NXN: variants seen among roughly 807,000 people sequenced by gnomAD.
NXN encodes the protein nucleoredoxin 1.
Under a neutral mutation model 48.6 loss-of-function variants are expected in NXN, and 16 were observed. The observed-to-expected ratio is 0.33, with a 90% CI of 0.22 to 0.50. The LOEUF (loss-of-function observed/expected upper bound fraction) is 0.50, where lower values mean the gene tolerates loss of function less well. NXN is among the 20% of genes least tolerant of loss of function. The probability of loss-of-function intolerance (pLI) is 0.98; values close to 1 mark genes in which losing one functional copy is unlikely to be tolerated. For synonymous variants in NXN, 281 were observed against 269.6 expected, an observed-to-expected ratio of 1.04 and a Z score of -0.41; for missense variants, 492 against 605.5, an observed-to-expected ratio of 0.81 and a Z score of 1.97.
At chr17:873,944 T>C (rs2068187036) in intron 1 of NXN, among the ~76,000 whole-genome samples, 1 of 152,124 alleles carries the variant, frequency 6.6e-6, no homozygotes, top group African/African-American at 2.4e-5. Context: ...AGAATCATGG[T>C]CTTTTTCCAG....
At chr17:912,434 G>A (rs903529219) in intron 1 of NXN, among the ~76,000 whole-genome samples, 1 of 152,100 alleles carries the variant, frequency 6.6e-6, no homozygotes, top group Non-Finnish European at 1.5e-5. Flanking sequence ...CACCGCATCA[G>A]ATTACGCTCC....
At chr17:836,436 T>C (rs1913830284) in intron 1 of NXN, among the ~76,000 whole-genome samples, 1 of 152,188 alleles carries the variant, frequency 6.6e-6, no homozygotes, top group Admixed American at 6.5e-5. Flanking sequence ...AAAACCATCC[T>C]TTCTGTGAGC....
At chr17:900,147 C>T (rs1247123185) in intron 1 of NXN, among the ~76,000 whole-genome samples, 2 of 152,024 alleles carry the variant, frequency 1.3e-5, no homozygotes, top group East Asian at 3.9e-4. Flanking sequence ...TGCCTGAAAT[C>T]CCAGCTACTT....
rs58535607 is a variant in NXN, at chr17:963,214, G to GACACACACACACACACACACAC, written c.360+16083_360+16104dup. Among the ~76,000 whole-genome samples the GACACACACACACACACACACAC allele has an allele frequency of 4.1e-4, 58 of 142,926 alleles. 1 individual carries two copies. The highest frequency in any genetic ancestry group is 7.3e-3 in the Middle Eastern group (2 of 274). 93.8% of individuals were successfully genotyped at this position (142,926 alleles called of 152,430 possible). A position where few individuals can be genotyped will look rare whatever the true frequency, so the allele number is the denominator to read the frequency against. On this transcript the variant is annotated intron_variant, in intron 1 of 7. Coordinates refer to ENST00000336868, the MANE Select transcript of NXN (RefSeq NM_022463.5). ...AAAAAAAGGTATAGGTACTGGGACG[G>GACACACACACACACACACACAC]ACACACACACACACACACACACACA...
chr17:903,213 G>GTTTTTTT (rs1418416912), intron 1 of NXN, among the ~76,000 whole-genome samples: 1 of 151,576 alleles, frequency 6.6e-6, no homozygotes, highest in Non-Finnish European at 1.5e-5. Context: ...TTGTTTTTTT[G>GTTTTTTT]TTTTTGTTTT....
intron 1 of NXN, among the ~76,000 whole-genome samples, chr17:843,009 AAAG>A (rs1914440155): frequency 1.2e-5 from 1 of 81,090 alleles, no homozygotes; most frequent in African/African-American, 4.7e-5. Context: ...AGAAAGAGAG[AAAG>A]AAAGAAAGAA....
At chr17:843,254 A>C (rs1914482516) in intron 1 of NXN, among the ~76,000 whole-genome samples, 1 of 152,238 alleles carries the variant, frequency 6.6e-6, no homozygotes. Flanking sequence ...GTTCCCCGAC[A>C]CAGGGAACGC....
intron 1 of NXN, among the ~76,000 whole-genome samples, chr17:966,727 A>C (rs950018954): frequency 6.8e-6 from 1 of 147,168 alleles, no homozygotes; most frequent in Non-Finnish European, 1.5e-5. Flanking sequence ...TGGGCAACAA[A>C]GGAGGTAGGG....
chr17:868,640 C>T (rs1464370426), intron 1 of NXN, among the ~76,000 whole-genome samples: 2 of 152,146 alleles, frequency 1.3e-5, no homozygotes. Flanking sequence ...AACAGGCGCC[C>T]ACCACCACGC....
chr17:805,020 T>TCCCCCCCCCCCCCCCCCCCACC, intron 6 of NXN, 48 bp downstream of exon 6: 2 of 1,512,882 alleles, frequency 1.3e-6, no homozygotes, highest in Non-Finnish European at 1.8e-6. Flanking sequence ...GCCCCTCCTG[T>TCCCCCCCCCCCCCCCCCCCACC]CCCGCCCCCC....
chr17:898,327 G>T (rs1158004504), intron 1 of NXN, among the ~76,000 whole-genome samples: 4 of 152,024 alleles, frequency 2.6e-5, no homozygotes, highest in African/African-American at 9.7e-5. Flanking sequence ...CTGCTCTCCT[G>T]GGACACACCC....
At chr17:959,984 C>A (rs530449573) in intron 1 of NXN, among the ~76,000 whole-genome samples, 1 of 151,928 alleles carries the variant, frequency 6.6e-6, no homozygotes, top group Non-Finnish European at 1.5e-5. Flanking sequence ...CACAGCTACT[C>A]GGGACACTGA....
In NXN at chr17:819,263, T is replaced by A. The variant is rs9889608; in HGVS notation, c.820+176A>T. On this transcript the variant is annotated intron_variant, in intron 5 of 7. Transcript: ENST00000336868. Reference sequence around the variant, plus strand: ...GCCCGGCCTGACAATACTTATTTTTTAAAAATGGCTTAGAATTCACACCAT... The same window carrying A: ...GCCCGGCCTGACAATACTTATTTTTAAAAAATGGCTTAGAATTCACACCAT... 3.7e-3 allele frequency: 2,432 copies of A among 650,536 alleles called. 39 individuals carry two copies. The highest frequency in any genetic ancestry group is 0.037 in the African/African-American group (2,037 of 55,226). 40.3% of individuals were successfully genotyped at this position (650,536 alleles called of 1,614,324 possible).
chr17:801,443 C>CTTTTTTTTTTTTTTTTTTTTTTTTTTTTT (rs71371579), intron 7 of NXN, among the ~76,000 whole-genome samples: 1 of 104,316 alleles, frequency 9.6e-6, no homozygotes, highest in Non-Finnish European at 1.8e-5. Flanking sequence ...ATGTCACATT[C>CTTTTTTTTTTTTTTTTTTTTTTTTTTTTT]TTTTTTTTTT....
intron 1 of NXN, among the ~76,000 whole-genome samples, chr17:922,091 G>A (rs2068755527): frequency 6.6e-6 from 1 of 152,204 alleles, no homozygotes; most frequent in African/African-American, 2.4e-5. Context: ...GCGGGTAACT[G>A]TGACTTTGTT....
At chr17:894,678 G>A (rs1477368186) in intron 1 of NXN, among the ~76,000 whole-genome samples, 1 of 152,182 alleles carries the variant, frequency 6.6e-6, no homozygotes, top group East Asian at 1.9e-4. Context: ...GCATCTCAAT[G>A]CCCAGAACCT....
intron 1 of NXN, among the ~76,000 whole-genome samples, chr17:888,936 G>A (rs1258695438): frequency 1.5e-5 from 2 of 131,136 alleles, no homozygotes; most frequent in African/African-American, 2.9e-5. Context: ...GCCTGGGGGC[G>A]ACAAGTGCAA....
At position 838,518 on chromosome 17, in the gene NXN, C is replaced by T. The variant is rs183879131; in HGVS notation, c.361-12440G>A. 2.6e-4 allele frequency among the ~76,000 whole-genome samples: 40 copies of T among 152,314 alleles called. No individual in the cohort carries two copies. In the East Asian group the frequency reaches 7.3e-3, roughly 28 times the overall value. ...GCTGAATCAGCTGTGACTTACAACA[C>T]TCTAATCAAAGTGCCACAGGGATGA... On this transcript the variant is annotated intron_variant, in intron 1 of 7. Transcript: ENST00000336868.
At chr17:914,304 G>T (rs1488452929) in intron 1 of NXN, among the ~76,000 whole-genome samples, 1 of 132,002 alleles carries the variant, frequency 7.6e-6, no homozygotes, top group African/African-American at 2.8e-5. Context: ...CAAAGTGCTG[G>T]GATTACAGGC....
Sources: allele counts gnomAD v4.1 joint callset (sites outside exome capture counted in the v4.1 genomes callset), GRCh38; gene constraint gnomAD v4.1.1; transcripts MANE v1.5; gene names NCBI Gene and HGNC (gene_info 2026-07-23, HGNC 2026-07-21).